Variants in MAST2 observed in about 807,000 individuals in gnomAD.
The protein encoded by MAST2 is microtubule associated serine/threonine kinase 2.
MAST2 carries 70 observed loss-of-function variants against 147.4 expected under a neutral mutation model. The ratio of observed to expected loss-of-function variants is 0.47; its 90% CI spans 0.39 to 0.58. The LOEUF (loss-of-function observed/expected upper bound fraction) is 0.58. MAST2 is among the 20% of genes least tolerant of loss of function. The pLI is 0.00. For synonymous variants in MAST2, 869 were observed against 896.8 expected (o/e 0.97, Z 0.55); for missense variants, 2,080 against 2,302.3 (o/e 0.90, Z 1.98).
At chr1:45,863,157 C>T (rs748676165) in intron 3 of MAST2, among the ~76,000 whole-genome samples, 27 of 152,062 alleles carry the variant, frequency 1.8e-4, no homozygotes, top group Non-Finnish European at 3.8e-4. Flanking sequence ...TGAATAGCTT[C>T]TCAGAATGCA....
Position 46,027,140 on chromosome 1 carries a change from A to C in MAST2, c.1920-591A>C, listed in dbSNP as rs1646446879. On this transcript the variant is annotated intron_variant, in intron 16 of 28. Transcript: ENST00000361297. Reference sequence around the variant, plus strand: ...GGGTAGGCCTGGAGCTCAAAAAGGAAGTCAGAGCCAGAGGTACTATTTGGG... The same window carrying C: ...GGGTAGGCCTGGAGCTCAAAAAGGACGTCAGAGCCAGAGGTACTATTTGGG... Among the ~76,000 whole-genome samples, 4 of 152,306 alleles carry C rather than the reference A, an allele frequency of 2.6e-5. No individual in the cohort carries two copies. In the South Asian group the frequency reaches 8.3e-4, roughly 32 times the overall value.
In MAST2 at chr1:46,021,982, A is replaced by G. The variant is rs376168566; in HGVS notation, c.1323A>G (p.Leu441=). ...EFDPEEFYHL[L]EAAEGHAKEG... is the part of the protein sequence containing the mutation. ...ACCCTGAAGAGTTCTACCACCTTTT[A>G]GAAGCAGCTGAGGGCCACGCCAAAG... The change falls in exon 12 of 29, where the codon TTA becomes TTG. Residue 441 remains leucine, a synonymous_variant. Coordinates refer to ENST00000361297, the MANE Select transcript of MAST2 (RefSeq NM_015112.3). The G allele has an allele frequency of 3.1e-6, 5 of 1,614,086 alleles. No individual in the cohort carries two copies. The African/African-American group carries it at 6.7e-5, about 22-fold the overall frequency.
intron 3 of MAST2, among the ~76,000 whole-genome samples, chr1:45,836,976 G>T (rs916414639): frequency 3.3e-5 from 5 of 152,076 alleles, no homozygotes; most frequent in Non-Finnish European, 7.4e-5. Flanking sequence ...CATGAGGAGC[G>T]TGCAACCTAG....
intron 7 of MAST2, among the ~76,000 whole-genome samples, chr1:46,005,501 T>G (rs1557462508): frequency 6.6e-6 from 1 of 152,182 alleles, no homozygotes; most frequent in Non-Finnish European, 1.5e-5. Context: ...GAATGGGTGC[T>G]TCAGCATTAG....
chr1:45,976,150 T>C (rs1436421193), intron 5 of MAST2, among the ~76,000 whole-genome samples: 2 of 152,072 alleles, frequency 1.3e-5, no homozygotes, highest in African/African-American at 4.8e-5. Flanking sequence ...AATTTTTTTT[T>C]ATTTTTAGTA....
chr1:45,849,381 C>T (rs1645549305), intron 3 of MAST2, among the ~76,000 whole-genome samples: 1 of 151,980 alleles, frequency 6.6e-6, no homozygotes, highest in Non-Finnish European at 1.5e-5. Flanking sequence ...GTACAAAAGG[C>T]ACATAGATCA....
intron 4 of MAST2, among the ~76,000 whole-genome samples, chr1:45,920,809 A>T (rs1653333082): frequency 6.6e-6 from 1 of 152,226 alleles, no homozygotes; most frequent in South Asian, 2.1e-4. Flanking sequence ...GTTAAATTTA[A>T]TTCTCAAAAT....
intron 3 of MAST2, chr1:45,865,196 T>C (rs1646104847): frequency 2.2e-6 from 1 of 449,830 alleles, no homozygotes; most frequent in Admixed American, 2.4e-5. Context: ...CTCTTGTAAA[T>C]GTACTGAACA....
chr1:46,002,689 T>C (rs2149191645), intron 6 of MAST2, 116 bp from the exon 7 acceptor site: 1 of 821,064 alleles, frequency 1.2e-6, no homozygotes, highest in East Asian at 2.4e-5. Flanking sequence ...AGTAATGTCT[T>C]AAGGAGGAGC....
At chr1:45,975,784 T>C (rs1274705214) in intron 5 of MAST2, among the ~76,000 whole-genome samples, 2 of 151,794 alleles carry the variant, frequency 1.3e-5, no homozygotes, top group Non-Finnish European at 2.9e-5. Flanking sequence ...CGGAGGGCTA[T>C]ATGCAGTGCT....
In MAST2 at chr1:45,893,558, C is replaced by T. The variant is rs1648214235; in HGVS notation, c.500+11163C>T. Among the ~76,000 whole-genome samples, 3 of 147,290 alleles carry T rather than the reference C, an allele frequency of 2.0e-5. No homozygotes were observed. In the South Asian group the frequency reaches 6.4e-4, roughly 32 times the overall value. On this transcript the variant is annotated intron_variant, in intron 4 of 28. Transcript: ENST00000361297. ...ACCTGGCCAGTATTTTAGATAATAA[C>T]TGAAATTAAGACTGAAAACACTTCT...
At chr1:45,965,047 C>G (rs929613681) in intron 5 of MAST2, among the ~76,000 whole-genome samples, 3 of 152,120 alleles carry the variant, frequency 2.0e-5, no homozygotes, top group South Asian at 2.1e-4. Context: ...GTTTCTTAAT[C>G]CTGAGTTCTA....
At chr1:45,874,499 TC>T (rs1198804791) in intron 3 of MAST2, among the ~76,000 whole-genome samples, 3 of 152,226 alleles carry the variant, frequency 2.0e-5, no homozygotes, top group African/African-American at 7.2e-5. Context: ...AGCATATTCT[TC>T]CCCTAGTAAA....
chr1:45,883,626 T>C (rs939194046), intron 4 of MAST2, among the ~76,000 whole-genome samples: 5 of 152,186 alleles, frequency 3.3e-5, no homozygotes, highest in African/African-American at 1.2e-4. Flanking sequence ...AGTGCTTTAT[T>C]ACTTATAGTT....
chr1:45,940,814 T>C (rs2148797226), intron 4 of MAST2, among the ~76,000 whole-genome samples: 2 of 152,102 alleles, frequency 1.3e-5, no homozygotes, highest in Middle Eastern at 6.8e-3. Context: ...AGAGATGGGG[T>C]TTCACCGTGT....
chr1:45,975,385 A>G (rs1477922511), intron 5 of MAST2, among the ~76,000 whole-genome samples: 1 of 151,036 alleles, frequency 6.6e-6, no homozygotes, highest in South Asian at 2.1e-4. Context: ...TTGCCTGGAT[A>G]CGATGGCTCA....
At chr1:46,006,493 G>T in intron 8 of MAST2, 98 bp downstream of exon 8, 1 of 1,226,530 alleles carries the variant, frequency 8.2e-7, no homozygotes, top group South Asian at 2.1e-5. Context: ...GGCCAAGATA[G>T]TAAATATTTT....
At chr1:45,862,754 C>T (rs537439399) in intron 3 of MAST2, among the ~76,000 whole-genome samples, 1 of 152,224 alleles carries the variant, frequency 6.6e-6, no homozygotes, top group East Asian at 1.9e-4. Flanking sequence ...GCCACTGCAC[C>T]TGGCCAGGTT....
chr1:45,889,606 C>T (rs967958329), intron 4 of MAST2, among the ~76,000 whole-genome samples: 4 of 151,658 alleles, frequency 2.6e-5, no homozygotes, highest in African/African-American at 7.3e-5. Flanking sequence ...TGTTTTGTTT[C>T]GTTTTGTTTT....
Sources: gnomAD v4.1 joint callset for allele counts (sites outside exome capture counted in the v4.1 genomes callset) on GRCh38, gnomAD v4.1.1 for gene constraint, MANE v1.5 for transcripts, NCBI Gene and HGNC (gene_info 2026-07-23, HGNC 2026-07-21) for gene names.